The following SLC5A11 variants were observed in gnomAD, a reference collection of about 807,000 sequenced individuals.
SLC5A11 encodes sodium/myo-inositol cotransporter 2.
SLC5A11 carries 48 observed loss-of-function variants against 69.8 expected under a neutral mutation model. The ratio of observed to expected loss-of-function variants is 0.69; its 90% CI spans 0.55 to 0.87. The LOEUF (loss-of-function observed/expected upper bound fraction) is 0.87. SLC5A11 is among the 40% of genes least tolerant of loss of function. SLC5A11 has a pLI of 0.00. For synonymous variants in SLC5A11, 319 were observed against 342.4 expected, an observed-to-expected ratio of 0.93 and a Z score of 0.75; for missense variants, 784 against 866.1, an observed-to-expected ratio of 0.91 and a Z score of 1.19.
chr16:24,856,837 G>A (rs2059556657), intron 1 of SLC5A11, among the ~76,000 whole-genome samples: 1 of 151,942 alleles, frequency 6.6e-6, no homozygotes, highest in African/African-American at 2.4e-5. Context: ...TGTAAATGGT[G>A]GAGTCAAGGT....
intron 6 of SLC5A11, 185 bp from the exon 8 acceptor site, chr16:24,877,073 G>A: frequency 6.9e-7 from 1 of 1,452,164 alleles, no homozygotes; most frequent in African/African-American, 1.4e-5. Context: ...TCAGCCCAGG[G>A]CCCACAGGGC....
intron 1 of SLC5A11, among the ~76,000 whole-genome samples, chr16:24,857,778 A>T (rs1156446173): frequency 6.6e-6 from 1 of 152,224 alleles, no homozygotes; most frequent in East Asian, 1.9e-4. Flanking sequence ...AAGTGATTTG[A>T]CTACCAACCT....
intron 7 of SLC5A11, among the ~76,000 whole-genome samples, chr16:24,881,001 C>T (rs2048007833): frequency 1.3e-5 from 2 of 151,928 alleles, no homozygotes; most frequent in South Asian, 4.1e-4. Context: ...GTCTGGAGTT[C>T]GAGACCAGCC....
intron 2 of SLC5A11, chr16:24,862,191 G>A (rs2046613818): frequency 6.5e-6 from 1 of 154,248 alleles, no homozygotes; most frequent in African/African-American, 2.4e-5. Context: ...TTGGCCTAAC[G>A]ACACAAACCT....
exon 10 of SLC5A11, chr16:24,898,001 A>G (rs2049300793): frequency 1.2e-6 from 2 of 1,614,044 alleles, no homozygotes; most frequent in South Asian, 2.2e-5. Flanking sequence ...TCTGGCTGCC[A>G]AGAACCTGTC....
At chr16:24,878,040 C>G (rs1035494051) in intron 7 of SLC5A11, among the ~76,000 whole-genome samples, 18 of 152,120 alleles carry the variant, frequency 1.2e-4, no homozygotes, top group Non-Finnish European at 2.1e-4. Flanking sequence ...GTAATTCCAG[C>G]TACTCAGGAG....
At chr16:24,887,743 T>C (rs2048482456) in intron 8 of SLC5A11, among the ~76,000 whole-genome samples, 1 of 152,218 alleles carries the variant, frequency 6.6e-6, no homozygotes, top group African/African-American at 2.4e-5. Flanking sequence ...TCCTTAGCTA[T>C]ATATTATTTA....
Position 24,909,047 on chromosome 16 carries a change from T to C in SLC5A11, c.1601T>C (p.Ile534Thr), listed in dbSNP as rs202190705. 6.2e-6 allele frequency: 10 copies of C among 1,614,150 alleles called. No individual in the cohort carries two copies. The East Asian group carries it at 2.2e-4, about 36-fold the overall frequency. Residue 534 changes from isoleucine (I) to threonine (T), a missense_variant, in exon 14 of 16, where the codon ATC becomes ACC. Ile to Thr is a moderately conservative substitution (Grantham distance 89). This residue lies in a region of SLC5A11 where 550 missense variants were observed against 606.4 expected (regional missense o/e 0.91). Coordinates refer to ENST00000347898, the Ensembl canonical transcript of SLC5A11. ...ATGATCCTGTCCACGGTCACCCTCA[T>C]CACTGTCTCCACCGTGAGCTGGTTC... is the stretch of plus-strand genomic sequence containing the variant.
intron 5 of SLC5A11, among the ~76,000 whole-genome samples, chr16:24,873,928 G>A (rs1281352511): frequency 6.7e-6 from 1 of 150,184 alleles, no homozygotes; most frequent in African/African-American, 2.5e-5. Context: ...CTGGGTTCAT[G>A]CAATTCTCCT....
At chr16:24,893,291 A>AAATT (rs55990088) in intron 9 of SLC5A11, among the ~76,000 whole-genome samples, 98,625 of 146,494 alleles carry the variant, frequency 0.67, 33,736 homozygotes, top group East Asian at 0.74. Flanking sequence ...CCATCTCAAA[A>AAATT]AATTAATTAA....
chr16:24,897,604 A>T (rs1303534038), intron 9 of SLC5A11, among the ~76,000 whole-genome samples: 2 of 152,196 alleles, frequency 1.3e-5, no homozygotes, highest in African/African-American at 4.8e-5. Context: ...TGATAAAGAC[A>T]TACTGAGACT....
chr16:24,862,597 T>C lies in SLC5A11; in HGVS notation c.136-4T>C. On this transcript the variant is annotated splice_region_variant and splice_polypyrimidine_tract_variant and intron_variant, in intron 2 of 15. Transcript: ENST00000347898. ...CTCACCCACCTCTCTTCTTTTTTTT[T>C]CAGTCCACAGTGAAGACCAAAAGAG... 1.2e-6 allele frequency: 2 copies of C among 1,610,926 alleles called. No individual in the cohort carries two copies. Among genetic ancestry groups the C allele is most frequent in the Non-Finnish European group, 1.7e-6 (2 of 1,177,940 alleles).
chr16:24,893,299 T>TAATTA lies in SLC5A11; in HGVS notation c.870+2227_870+2231dup, dbSNP rs1306368493. On this transcript the variant is annotated intron_variant, in intron 9 of 15. Coordinates refer to ENST00000347898, the Ensembl canonical transcript of SLC5A11. ...TGAGACTCCATCTCAAAAAATTAAT[T>TAATTA]AATTAATTAATTAATTATGCCGGGC... Among the ~76,000 whole-genome samples, 5 of 149,794 alleles carry TAATTA rather than the reference T, an allele frequency of 3.3e-5. No homozygotes were observed. The South Asian group carries it at 1.1e-3, about 32-fold the overall frequency.
chr16:24,903,877 T>C (rs1212231822), intron 10 of SLC5A11, among the ~76,000 whole-genome samples: 2 of 152,294 alleles, frequency 1.3e-5, no homozygotes, highest in East Asian at 3.9e-4. Flanking sequence ...TATGTATTAA[T>C]CCATTTTCAC....
At chr16:24,901,958 G>GCACACGCA (rs1555532971) in intron 10 of SLC5A11, among the ~76,000 whole-genome samples, 2 of 136,576 alleles carry the variant, frequency 1.5e-5, no homozygotes, top group Non-Finnish European at 1.6e-5. Context: ...ACACACACAC[G>GCACACGCA]CACACACACA....
In SLC5A11 at chr16:24,876,533, A is replaced by C. The variant is rs562519955; in HGVS notation, c.478-725A>C. 5.0e-4 allele frequency among the ~76,000 whole-genome samples: 76 copies of C among 152,308 alleles called. No individual in the cohort carries two copies. The South Asian group carries it at 0.01, about 20-fold the overall frequency. ...CTCAGCAGAAGCTGTCTTCGCTTCC[A>C]GCCAGGGAGGAGGGAGGAGCTTGTC... On this transcript the variant is annotated intron_variant, in intron 6 of 15. Coordinates refer to ENST00000347898, the Ensembl canonical transcript of SLC5A11.
chr16:24,884,518 T>G (rs1177415439), intron 8 of SLC5A11, among the ~76,000 whole-genome samples: 2 of 74,878 alleles, frequency 2.7e-5, no homozygotes, highest in East Asian at 3.4e-4. Flanking sequence ...ATTTTGTTTT[T>G]TTTTTTTTTT....
intron 6 of SLC5A11, 22 bp downstream of exon 7, chr16:24,875,753 G>A (rs779552928): frequency 1.3e-6 from 2 of 1,584,894 alleles, no homozygotes; most frequent in Admixed American, 1.7e-5. Flanking sequence ...ACACAGCCTG[G>A]CCTCACCCAT....
Position 24,889,150 on chromosome 16 carries a change from GAA to G in SLC5A11, c.665-1713_665-1712del, listed in dbSNP as rs529501624. Among the ~76,000 whole-genome samples the G allele has an allele frequency of 6.9e-4, 105 of 151,650 alleles. 1 individual carries two copies. The highest frequency in any genetic ancestry group is 3.4e-3 in the Middle Eastern group (1 of 294). On this transcript the variant is annotated intron_variant, in intron 8 of 15. Transcript: ENST00000347898. ...AAAATGCAGCTGCAAATCAAACCAAGAAAAAAAGAGAAAACAGCATAATTAAG... is the reference window on the plus strand; with the variant it reads ...AAAATGCAGCTGCAAATCAAACCAAGAAAAAGAGAAAACAGCATAATTAAG...
Sources: gnomAD v4.1 joint callset for allele counts (sites outside exome capture counted in the v4.1 genomes callset) on GRCh38, gnomAD v4.1.1 for gene constraint, gnomAD v4.1.1 regional missense constraint, MANE v1.5 for transcripts, NCBI Gene and HGNC (gene_info 2026-07-23, HGNC 2026-07-21) for gene names.